MELK: variants seen among roughly 807,000 people sequenced by gnomAD.
MELK encodes the protein pEg3 kinase.
MELK carries 81 observed loss-of-function variants against 85.0 expected under a neutral mutation model. The ratio of observed to expected loss-of-function variants is 0.95; its 90% CI spans 0.80 to 1.15. The LOEUF is 1.15. MELK is among the 50% of genes most tolerant of loss of function. MELK has a pLI of 0.00. For synonymous variants in MELK, 252 were observed against 265.0 expected, an observed-to-expected ratio of 0.95 and a Z score of 0.48; for missense variants, 754 against 777.5, an observed-to-expected ratio of 0.97 and a Z score of 0.36.
chr9:36,608,873 G>A lies in MELK; in HGVS notation c.666+1200G>A, dbSNP rs193252230. 8.5e-5 allele frequency among the ~76,000 whole-genome samples: 13 copies of A among 152,284 alleles called. No homozygotes were observed. In the East Asian group the frequency reaches 1.3e-3, roughly 16 times the overall value. On this transcript the variant is annotated intron_variant, in intron 8 of 17. Transcript: ENST00000298048. ...GCTGGGATTACAGGCATGAGCCACCGCACCCGGCCCAATATATAAACTTCT... is the reference window on the plus strand; with the variant it reads ...GCTGGGATTACAGGCATGAGCCACCACACCCGGCCCAATATATAAACTTCT...
intron 4 of MELK, among the ~76,000 whole-genome samples, chr9:36,590,310 G>T (rs2135337086): frequency 6.6e-6 from 1 of 152,260 alleles, no homozygotes; most frequent in East Asian, 1.9e-4. Context: ...GAAACTCATT[G>T]TCTGACAGTT....
intron 16 of MELK, among the ~76,000 whole-genome samples, chr9:36,672,246 G>A (rs1209138027): frequency 6.6e-6 from 1 of 152,090 alleles, no homozygotes; most frequent in Non-Finnish European, 1.5e-5. Flanking sequence ...ACATATGGCT[G>A]TGTATTAGGC....
At chr9:36,656,658 C>T (rs991893104) in intron 12 of MELK, among the ~76,000 whole-genome samples, 6 of 151,488 alleles carry the variant, frequency 4.0e-5, no homozygotes, top group South Asian at 2.1e-4. Flanking sequence ...GACAGAGTCT[C>T]GCTGTATTAC....
chr9:36,602,685 G>A (rs1036183104), intron 7 of MELK, among the ~76,000 whole-genome samples: 1 of 150,818 alleles, frequency 6.6e-6, no homozygotes, highest in African/African-American at 2.4e-5. Context: ...TCAGCCTCCA[G>A]AGTAGCTGGG....
At chr9:36,659,335 C>T (rs991731938) in intron 13 of MELK, among the ~76,000 whole-genome samples, 1 of 152,088 alleles carries the variant, frequency 6.6e-6, no homozygotes, top group Non-Finnish European at 1.5e-5. Context: ...TATTTCTTTG[C>T]ATGTATATGT....
chr9:36,606,627 ATG>A (rs1400029332), intron 7 of MELK, among the ~76,000 whole-genome samples: 1 of 147,338 alleles, frequency 6.8e-6, no homozygotes, highest in African/African-American at 2.5e-5. Flanking sequence ...AGGTGTATAT[ATG>A]GACATATATG....
chr9:36,670,692 A>T (rs1242362762), intron 15 of MELK, among the ~76,000 whole-genome samples: 1 of 151,914 alleles, frequency 6.6e-6, no homozygotes, highest in Non-Finnish European at 1.5e-5. Context: ...CTAGGAGGAT[A>T]TACCGGTGTT....
chr9:36,601,283 G>A (rs949188988), intron 7 of MELK, among the ~76,000 whole-genome samples: 1 of 152,082 alleles, frequency 6.6e-6, no homozygotes, highest in African/African-American at 2.4e-5. Flanking sequence ...ATTGCATTTA[G>A]TTATTGTGTC....
chr9:36,660,315 T>G (rs751733283), intron 13 of MELK, among the ~76,000 whole-genome samples: 2 of 152,186 alleles, frequency 1.3e-5, no homozygotes, highest in Non-Finnish European at 2.9e-5. Context: ...AACAATTGCC[T>G]GTAAATTTTT....
In MELK at chr9:36,574,803, T is replaced by C. The variant is rs181339169; in HGVS notation, c.-39+1796T>C. Among the ~76,000 whole-genome samples the C allele has an allele frequency of 7.9e-5, 12 of 152,088 alleles. No homozygotes were observed. The East Asian group carries it at 2.3e-3, about 29-fold the overall frequency. ...CTTTAAAATTTAACCATAAACGTCT[T>C]CTCATTATCCCAATTCCTTGCTCTT... On this transcript the variant is annotated intron_variant, in intron 1 of 17. Coordinates refer to ENST00000298048, the MANE Select transcript of MELK (RefSeq NM_014791.4).
In MELK at chr9:36,640,630, T is replaced by C. The variant is rs557584695; in HGVS notation, c.835-2367T>C. 2.6e-5 allele frequency among the ~76,000 whole-genome samples: 4 copies of C among 152,152 alleles called. No individual in the cohort carries two copies. In the East Asian group the frequency reaches 5.8e-4, roughly 22 times the overall value. ...CCTGGCTAATTTTTGAATATTTTTT[T>C]GTAGTAATGGAGTCTTGCTGTATTG... On this transcript the variant is annotated intron_variant, in intron 10 of 17. Transcript: ENST00000298048.
chr9:36,651,326 C>T (rs1217541584), intron 11 of MELK, among the ~76,000 whole-genome samples: 1 of 152,070 alleles, frequency 6.6e-6, no homozygotes, highest in East Asian at 1.9e-4. Flanking sequence ...CATAATAATG[C>T]AAATATTAAC....
Position 36,677,569 on chromosome 9 carries a change from A to G in MELK, c.*232A>G, listed in dbSNP as rs551375311. ...GTCTTTTTTAATCATGTGGTTTTGT[A>G]TATTAATAATTGTTGACTTTCTTAG... is the stretch of plus-strand genomic sequence containing the variant. On this transcript the variant is annotated 3_prime_UTR_variant, in exon 18 of 18. Coordinates refer to ENST00000298048, the MANE Select transcript of MELK (RefSeq NM_014791.4). 1 of 339,338 alleles carries G rather than the reference A, an allele frequency of 2.9e-6. No individual in the cohort carries two copies. The highest frequency in any genetic ancestry group is 2.1e-5 in the African/African-American group (1 of 47,464). The allele number at this position is 339,338 out of a possible 1,614,324, so 21.0% of individuals were successfully genotyped here. A position where few individuals can be genotyped will look rare whatever the true frequency, so the allele number is the denominator to read the frequency against.
chr9:36,587,106 C>T (rs1456037449), intron 3 of MELK, among the ~76,000 whole-genome samples: 1 of 152,130 alleles, frequency 6.6e-6, no homozygotes, highest in Non-Finnish European at 1.5e-5. Context: ...GCCTCAGCCT[C>T]TCAAAGTGCT....
chr9:36,657,493 G>A (rs1160418263), intron 13 of MELK, 130 bp downstream of exon 13: 172 of 979,778 alleles, frequency 1.8e-4, no homozygotes, highest in East Asian at 2.8e-5. Context: ...GTTTATGAGC[G>A]ATAACTGGAA....
intron 3 of MELK, among the ~76,000 whole-genome samples, chr9:36,586,470 A>G (rs1822914746): frequency 6.6e-6 from 1 of 152,176 alleles, no homozygotes; most frequent in Admixed American, 6.5e-5. Context: ...ATTATTTTTA[A>G]TTATCTGTCA....
chr9:36,619,823 C>T (rs1338231358), intron 8 of MELK, among the ~76,000 whole-genome samples: 1 of 152,170 alleles, frequency 6.6e-6, no homozygotes, highest in Non-Finnish European at 1.5e-5. Flanking sequence ...GCTTTTTTCT[C>T]TACTTCCTTG....
At chr9:36,670,697 G>A (rs760972155) in intron 15 of MELK, among the ~76,000 whole-genome samples, 15 of 151,458 alleles carry the variant, frequency 9.9e-5, no homozygotes, top group Admixed American at 5.3e-4. Context: ...AGGATATACC[G>A]GTGTTCATTG....
intron 3 of MELK, among the ~76,000 whole-genome samples, chr9:36,587,894 T>C (rs192955008): frequency 6.6e-6 from 1 of 151,906 alleles, no homozygotes; most frequent in Non-Finnish European, 1.5e-5. Flanking sequence ...TTCAAGTAGC[T>C]GGGATTACAG....
Sources: allele counts gnomAD v4.1 joint callset (sites outside exome capture counted in the v4.1 genomes callset), GRCh38; gene constraint gnomAD v4.1.1; transcripts MANE v1.5; gene names NCBI Gene and HGNC (gene_info 2026-07-23, HGNC 2026-07-21).